CSMD1: variants seen among roughly 807,000 people sequenced by gnomAD.
CSMD1 encodes the protein CUB and Sushi multiple domains 1.
A neutral mutation model predicts 417.5 loss-of-function variants in CSMD1; 213 were observed. That is an observed-to-expected ratio of 0.51 (90% CI 0.46 to 0.57). The LOEUF (loss-of-function observed/expected upper bound fraction) is 0.57, where lower values mean the gene tolerates loss of function less well. Among genes scored for constraint, CSMD1 ranks in the 20% least tolerant of loss-of-function variants. The pLI is 0.00. For missense variants in CSMD1, 6,923 were observed against 4,529.7 expected (o/e 1.53, Z -15.17); for synonymous variants, 2,862 against 1,736.8 (o/e 1.65, Z -16.11).
At chr8:4,960,342 TAGAAG>T (rs1194393206) in intron 1 of CSMD1, among the ~76,000 whole-genome samples, 1 of 152,144 alleles carries the variant, frequency 6.6e-6, no homozygotes, top group Non-Finnish European at 1.5e-5. Flanking sequence ...ACATCTTACT[TAGAAG>T]AGAATAAGAA....
intron 1 of CSMD1, among the ~76,000 whole-genome samples, chr8:4,653,534 G>A (rs1804041051): frequency 6.6e-6 from 1 of 152,050 alleles, no homozygotes. Flanking sequence ...AGCAACCCAT[G>A]CTCAATATCA....
chr8:3,482,547 A>G (rs1030525033), intron 11 of CSMD1, among the ~76,000 whole-genome samples: 8 of 152,206 alleles, frequency 5.3e-5, no homozygotes, highest in Non-Finnish European at 1.2e-4. Context: ...CTAAGAGAAA[A>G]ATAGCAACCT....
At chr8:4,029,268 G>T (rs1049801157) in intron 4 of CSMD1, among the ~76,000 whole-genome samples, 1 of 152,136 alleles carries the variant, frequency 6.6e-6, no homozygotes, top group Admixed American at 6.6e-5. Flanking sequence ...GGATATTTGG[G>T]GGATATAATA....
At chr8:3,982,928 A>T (rs1180710450) in intron 5 of CSMD1, among the ~76,000 whole-genome samples, 2 of 152,180 alleles carry the variant, frequency 1.3e-5, no homozygotes, top group Non-Finnish European at 2.9e-5. Flanking sequence ...AGATATTGTT[A>T]TATGCACTTT....
intron 42 of CSMD1, among the ~76,000 whole-genome samples, chr8:3,117,726 G>A (rs932534988): frequency 3.3e-5 from 5 of 152,114 alleles, no homozygotes; most frequent in African/African-American, 4.8e-5. Context: ...GAAAAAGGAC[G>A]TCTAAAGAGA....
At chr8:4,592,297 T>C (rs906072663) in intron 2 of CSMD1, among the ~76,000 whole-genome samples, 2 of 151,802 alleles carry the variant, frequency 1.3e-5, no homozygotes, top group Non-Finnish European at 2.9e-5. Context: ...GTGGTATATT[T>C]ACAGTGGTAA....
chr8:3,856,220 G>C (rs1804299965), intron 5 of CSMD1, among the ~76,000 whole-genome samples: 1 of 152,058 alleles, frequency 6.6e-6, no homozygotes, highest in East Asian at 2.0e-4. Context: ...TCTCATAAAA[G>C]CTGTTTGTGT....
intron 25 of CSMD1, among the ~76,000 whole-genome samples, chr8:3,303,941 TGCGCCC>T (rs759750223): frequency 1.7e-3 from 125 of 75,136 alleles, no homozygotes; most frequent in Non-Finnish European, 3.4e-3. Flanking sequence ...TTTGGGGTAT[TGCGCCC>T]CATTATAATA....
At chr8:3,904,405 C>T (rs1484560695) in intron 5 of CSMD1, among the ~76,000 whole-genome samples, 2 of 152,040 alleles carry the variant, frequency 1.3e-5, no homozygotes, top group Admixed American at 6.6e-5. Flanking sequence ...TGCAATGGAC[C>T]TATGTTAGTG....
chr8:4,036,956 GGTGTGTGTGTGTGTGTGTGT>G (rs57139782), intron 3 of CSMD1, among the ~76,000 whole-genome samples: 32 of 146,034 alleles, frequency 2.2e-4, no homozygotes, highest in Admixed American at 8.9e-4. Context: ...GTGAGTGTGG[GGTGTGTGTGTGTGTGTGTGT>G]GTGTGTGTGT....
At chr8:3,672,876 A>T (rs922715380) in intron 7 of CSMD1, among the ~76,000 whole-genome samples, 2 of 152,156 alleles carry the variant, frequency 1.3e-5, no homozygotes, top group African/African-American at 2.4e-5. Flanking sequence ...CAGGTTTTTC[A>T]ATCCATGAAA....
At chr8:3,674,164 T>C (rs1416703549) in intron 7 of CSMD1, among the ~76,000 whole-genome samples, 1 of 152,166 alleles carries the variant, frequency 6.6e-6, no homozygotes, top group Admixed American at 6.6e-5. Context: ...GCAACATTCA[T>C]AATGAAGACT....
chr8:4,186,242 C>T (rs530192786), intron 3 of CSMD1, among the ~76,000 whole-genome samples: 1 of 152,166 alleles, frequency 6.6e-6, no homozygotes. Flanking sequence ...TGTTGCCATA[C>T]TCACTGCAGC....
chr8:4,717,310 C>CATATATGTAT (rs1554454792), intron 1 of CSMD1, among the ~76,000 whole-genome samples: 3 of 137,132 alleles, frequency 2.2e-5, no homozygotes, highest in Non-Finnish European at 4.5e-5. Context: ...TCTCTCTCTC[C>CATATATGTAT]ATATATATAT....
At chr8:4,461,162 C>CAAGATA (rs1554486883) in intron 2 of CSMD1, among the ~76,000 whole-genome samples, 1 of 151,190 alleles carries the variant, frequency 6.6e-6, no homozygotes, top group Non-Finnish European at 1.5e-5. Flanking sequence ...GATTGTCTTA[C>CAAGATA]CAGATAAAAA....
intron 36 of CSMD1, among the ~76,000 whole-genome samples, chr8:3,184,721 G>C (rs867898383): frequency 1.8e-4 from 28 of 152,276 alleles, no homozygotes; most frequent in African/African-American, 5.8e-4. Context: ...TATGGAGATG[G>C]GGAAATTTAA....
intron 3 of CSMD1, among the ~76,000 whole-genome samples, chr8:4,225,011 C>G (rs1363498356): frequency 1.3e-5 from 2 of 152,166 alleles, no homozygotes; most frequent in Admixed American, 6.5e-5. Context: ...ATTGGGGAGG[C>G]TGAGGCAAGA....
At chr8:4,019,492 C>G (rs1001630076) in intron 4 of CSMD1, among the ~76,000 whole-genome samples, 2 of 152,042 alleles carry the variant, frequency 1.3e-5, no homozygotes, top group Non-Finnish European at 2.9e-5. Flanking sequence ...TTACTGGGGC[C>G]CATTGCATGA....
At chr8:3,466,321 C>T (rs140820649) in intron 12 of CSMD1, among the ~76,000 whole-genome samples, 3 of 152,032 alleles carry the variant, frequency 2.0e-5, no homozygotes, top group East Asian at 1.9e-4. Context: ...GCCTGTGTTC[C>T]TAACACTAGA....
Sources: allele counts gnomAD v4.1 joint callset (sites outside exome capture counted in the v4.1 genomes callset), GRCh38; gene constraint gnomAD v4.1.1; transcripts MANE v1.5; gene names NCBI Gene and HGNC (gene_info 2026-07-23, HGNC 2026-07-21).